MARF1: variants seen among roughly 807,000 people sequenced by gnomAD.
MARF1 encodes limkain-b1.
In MARF1, 24 loss-of-function variants were observed where a neutral mutation model predicts 168.2. The observed-to-expected ratio is 0.14, with a 90% CI of 0.10 to 0.20. The LOEUF is 0.20. MARF1 is among the 10% of genes least tolerant of loss of function. MARF1 has a pLI of 1.00. For synonymous variants in MARF1, 868 were observed against 822.4 expected (o/e 1.06, Z -0.95); for missense variants, 1,744 against 2,143.6 (o/e 0.81, Z 3.68).
rs776550027 is a variant in MARF1, at chr16:15,598,945, C to G, written c.4893G>C (p.Ser1631=). 1.2e-6 allele frequency: 2 copies of G among 1,613,536 alleles called. No homozygotes were observed. Among genetic ancestry groups the G allele is most frequent in the Non-Finnish European group, 1.7e-6 (2 of 1,179,880 alleles). ...PVDLLCAPVP[S]CLPSPQLRPD... ...GTCTCAGCTGAGGGGACGGCAGGCACGAGGGGACAGGCGCACACAGGAGGT... is the reference window on the plus strand; with the variant it reads ...GTCTCAGCTGAGGGGACGGCAGGCAGGAGGGGACAGGCGCACACAGGAGGT... The change falls in exon 26 of 27, where the codon TCG becomes TCC. Residue 1631 remains serine (S), a synonymous_variant. Coordinates refer to ENST00000396368, the MANE Select transcript of MARF1 (RefSeq NM_014647.4).
chr16:15,622,908 A>G, intron 11 of MARF1, 26 bp downstream of exon 11: 11 of 1,552,292 alleles, frequency 7.1e-6, no homozygotes, highest in Non-Finnish European at 8.8e-6. Context: ...AGTATAACAA[A>G]GCAAGCACAA....
intron 21 of MARF1, chr16:15,605,909 C>A (rs1457871436): frequency 1.3e-5 from 2 of 152,062 alleles, no homozygotes; most frequent in Admixed American, 1.3e-4. Context: ...CCCCTTTCAT[C>A]ATCCTGGGCA....
At chr16:15,621,194 G>A (rs568697569) in intron 12 of MARF1, among the ~76,000 whole-genome samples, 1 of 152,250 alleles carries the variant, frequency 6.6e-6, no homozygotes, top group African/African-American at 2.4e-5. Context: ...ACACTCAGGA[G>A]TGGGTCCTGT....
intron 7 of MARF1, among the ~76,000 whole-genome samples, chr16:15,626,513 A>G (rs907461070): frequency 7.2e-5 from 11 of 152,184 alleles, no homozygotes; most frequent in African/African-American, 2.7e-4. Context: ...GAATACTAGG[A>G]GCTATAGGCT....
Position 15,620,456 on chromosome 16 carries a change from T to G in MARF1, c.2715A>C (p.Glu905Asp). 2.5e-6 allele frequency: 4 copies of G among 1,607,562 alleles called. No homozygotes were observed. Among genetic ancestry groups the G allele is most frequent in the Non-Finnish European group, 2.6e-6 (3 of 1,174,982 alleles). Residue 905 changes from glutamate to aspartate, a missense_variant, in exon 13 of 27, where the codon GAA becomes GAC. Physicochemically the swap from Glu to Asp is conservative, Grantham distance 45. This residue lies in a region of MARF1 where 543 missense variants were observed against 742.1 expected (regional missense o/e 0.73). Transcript: ENST00000396368. ...AAAAAATATACCTAACTTACTTTTT[T>G]TCATAGATATCTGTAAATTTAAACA... is the stretch of plus-strand genomic sequence containing the variant. ...LPLFKFTDIY[E>D]KKFGHKLNVS...
In MARF1 at chr16:15,596,398, C is replaced by T. The variant is rs534208948; in HGVS notation, c.*295G>A. On this transcript the variant is annotated 3_prime_UTR_variant, in exon 27 of 27. Coordinates refer to ENST00000396368, the MANE Select transcript of MARF1 (RefSeq NM_014647.4). ...TTAGTGCTTTCTTCTTTTGGAACACCATTGTATTTCATAATAGTTACTAAA... is the reference window on the plus strand; with the variant it reads ...TTAGTGCTTTCTTCTTTTGGAACACTATTGTATTTCATAATAGTTACTAAA... 1.3e-5 allele frequency: 3 copies of T among 229,118 alleles called. No individual in the cohort carries two copies. The highest frequency in any genetic ancestry group is 1.7e-5 in the Non-Finnish European group (2 of 119,246). 14.2% of individuals were successfully genotyped at this position (229,118 alleles called of 1,614,324 possible).
intron 7 of MARF1, among the ~76,000 whole-genome samples, chr16:15,628,767 A>G (rs2035047714): frequency 6.6e-6 from 1 of 151,400 alleles, no homozygotes. Flanking sequence ...AGGGGTACTG[A>G]CCAATTATCA....
At position 15,594,414 on chromosome 16, in the gene MARF1, C is replaced by T. The variant is rs2031489765; in HGVS notation, c.*2279G>A. 6.6e-6 allele frequency: 1 copy of T among 152,566 alleles called. No homozygotes were observed. The highest frequency in any genetic ancestry group is 6.5e-5 in the Admixed American group (1 of 15,282). 9.5% of individuals were successfully genotyped at this position (152,566 alleles called of 1,614,324 possible). ...GATGCTCGCTTGTAAAGTTTATTGA[C>T]AACTGTTTGGTCCCAACACACAAAA... On this transcript the variant is annotated 3_prime_UTR_variant, in exon 27 of 27. Transcript: ENST00000396368.
rs371431404 is a variant in MARF1 at position 15,636,037 on chromosome 16, T to C, written c.450A>G (p.Ser150=). ...STRTITCQVG[S]GFAFQSASSL... is the part of the protein sequence containing the mutation. ...AAGATGCAGACTGGAAAGCAAACCC[T>C]GACCCTACCTGACACGTGATTGTCC... The change falls in exon 3 of 27, where the codon TCA becomes TCG. Residue 150 remains serine (S), a synonymous_variant. Transcript: ENST00000396368. 6 of 1,614,102 alleles carry C rather than the reference T, an allele frequency of 3.7e-6. No individual in the cohort carries two copies. In the African/African-American group the frequency reaches 8.0e-5, roughly 22 times the overall value.
At chr16:15,605,291 C>G (rs1389841554) in intron 21 of MARF1, among the ~76,000 whole-genome samples, 1 of 152,166 alleles carries the variant, frequency 6.6e-6, no homozygotes, top group Non-Finnish European at 1.5e-5. Flanking sequence ...CTTGGCAGGG[C>G]TAAGTCACCA....
At chr16:15,611,858 T>A in intron 17 of MARF1, 124 bp from the exon 18 acceptor site, 2 of 700,034 alleles carry the variant, frequency 2.9e-6, no homozygotes, top group East Asian at 2.7e-5. Flanking sequence ...TGTGTGCAAT[T>A]TGAAACACAT....
At position 15,617,508 on chromosome 16, in the gene MARF1, A is replaced by C. The variant is rs1476046309; in HGVS notation, c.2748T>G (p.Asp916Glu). Residue 916 changes from aspartate to glutamate, a missense_variant, in exon 14 of 27, where the codon GAT becomes GAG. By Grantham distance (45) the Asp-to-Glu change is conservative. This residue lies in a region of MARF1 where 543 missense variants were observed against 742.1 expected (regional missense o/e 0.73). Transcript: ENST00000396368. ...KKFGHKLNVS[D>E]LYKLTDTVAI... Reference sequence around the variant, plus strand: ...CGACCGTGTCTGTTAATTTATATAGATCTGACACATTCAACTTGTGTCCAA... The same window carrying C: ...CGACCGTGTCTGTTAATTTATATAGCTCTGACACATTCAACTTGTGTCCAA... The C allele has an allele frequency of 6.2e-7, 1 of 1,612,666 alleles. No individual in the cohort carries two copies. The highest frequency in any genetic ancestry group is 1.3e-5 in the African/African-American group (1 of 74,986).
At position 15,604,150 on chromosome 16, in the gene MARF1, A is replaced by T; in HGVS notation, c.4413+18T>A. On this transcript the variant is annotated intron_variant, in intron 22 of 26. Coordinates refer to ENST00000396368, the MANE Select transcript of MARF1 (RefSeq NM_014647.4). ...ATAGTTTTCAATGATAGTTCTAAAG[A>T]GCCATTAACGTGCCTACCTCAACCA... 1 of 1,536,040 alleles carries T rather than the reference A, an allele frequency of 6.5e-7. No homozygotes were observed. Among genetic ancestry groups the T allele is most frequent in the Non-Finnish European group, 9.0e-7 (1 of 1,108,958 alleles).
intron 16 of MARF1, among the ~76,000 whole-genome samples, chr16:15,614,128 G>A (rs2033830701): frequency 6.6e-6 from 1 of 152,034 alleles, no homozygotes; most frequent in Non-Finnish European, 1.5e-5. Context: ...AATGACTTTC[G>A]AAGGTAAATC....
At chr16:15,611,766 A>G (rs764565993) in intron 17 of MARF1, 32 bp from the exon 18 acceptor site, 42 of 1,588,660 alleles carry the variant, frequency 2.6e-5, no homozygotes, top group Non-Finnish European at 3.4e-5. Flanking sequence ...TATACACATA[A>G]GACCTCAGCA....
Position 15,609,597 on chromosome 16 carries a change from G to T in MARF1, c.3880C>A (p.Arg1294=). ...CCATAGTACGCAAGTTTGCACTGCC[G>T]GCCAAAGTGGTGATGGTAAGAAGGG... ...FIPSYHHHFG[R]QCKLAYYGFT... Residue 1294 remains arginine, a synonymous_variant, in exon 20 of 27, where the codon CGG becomes AGG. Coordinates refer to ENST00000396368, the MANE Select transcript of MARF1 (RefSeq NM_014647.4). The T allele has an allele frequency of 1.9e-6, 3 of 1,614,108 alleles. No individual in the cohort carries two copies. The highest frequency in any genetic ancestry group is 1.7e-6 in the Non-Finnish European group (2 of 1,180,014).
At chr16:15,622,437 G>T (rs2034528904) in intron 11 of MARF1, among the ~76,000 whole-genome samples, 1 of 151,294 alleles carries the variant, frequency 6.6e-6, no homozygotes, top group Non-Finnish European at 1.5e-5. Context: ...TGTCTCCCAG[G>T]CCAGAGAGCA....
At chr16:15,621,647 T>C (rs1299436479) in intron 12 of MARF1, 86 bp downstream of exon 12, 9 of 1,273,184 alleles carry the variant, frequency 7.1e-6, no homozygotes, top group Admixed American at 2.1e-5. Flanking sequence ...GGGGTGGGAA[T>C]GTGATTGAAT....
chr16:15,638,491 CAGG>C (rs1182393668), intron 2 of MARF1, among the ~76,000 whole-genome samples: 1 of 151,826 alleles, frequency 6.6e-6, no homozygotes, highest in Non-Finnish European at 1.5e-5. Context: ...GAGGCTGAGG[CAGG>C]AGAACTGCTT....
Sources: gnomAD v4.1 joint callset for allele counts (sites outside exome capture counted in the v4.1 genomes callset) on GRCh38, gnomAD v4.1.1 for gene constraint, gnomAD v4.1.1 regional missense constraint, MANE v1.5 for transcripts, NCBI Gene and HGNC (gene_info 2026-07-23, HGNC 2026-07-21) for gene names.